HYDIN: variants seen among roughly 807,000 people sequenced by gnomAD.
HYDIN encodes the protein axonemal central pair apparatus protein HYDIN.
A neutral mutation model predicts 403.9 loss-of-function variants in HYDIN; 132 were observed. The ratio of observed to expected loss-of-function variants is 0.33; its 90% CI spans 0.28 to 0.38. The LOEUF is 0.38. Ranked by LOEUF, HYDIN falls within the 10% of genes least tolerant of loss-of-function variation. The pLI is 1.00. For missense variants in HYDIN, 2,827 were observed against 5,009.5 expected (o/e 0.56, Z 13.15); for synonymous variants, 1,202 against 1,891.7 (o/e 0.64, Z 9.46).
At chr16:71,201,787 TTC>T (rs1197643020) in intron 1 of HYDIN, among the ~76,000 whole-genome samples, 1 of 152,228 alleles carries the variant, frequency 6.6e-6, no homozygotes, top group Non-Finnish European at 1.5e-5. Flanking sequence ...AGCCACGAAC[TTC>T]TGAGTCATCT....
In HYDIN at chr16:70,809,834, G is replaced by C. The variant is rs373142549; in HGVS notation, c.14832C>G (p.Ile4944Met). 5 of 1,614,096 alleles carry C rather than the reference G, an allele frequency of 3.1e-6. No individual in the cohort carries two copies. The African/African-American group carries it at 4.0e-5, about 13-fold the overall frequency. ...GTGTGTAATTGATGAACTTCACAAGGATGATTTGGCTGCTGCCAAGGACAG... is the reference window on the plus strand; with the variant it reads ...GTGTGTAATTGATGAACTTCACAAGCATGATTTGGCTGCTGCCAAGGACAG... Reference protein sequence around the residue: ...FQTVLGSSQIILVKFINYTRQ... With the variant: ...FQTVLGSSQIMLVKFINYTRQ... The change falls in exon 85 of 86, where the codon ATC (isoleucine) becomes ATG (methionine). Residue 4944 changes from isoleucine (I) to methionine (M), a missense_variant. Physicochemically the swap from Ile to Met is conservative, Grantham distance 10. Coordinates refer to ENST00000393567, the MANE Select transcript of HYDIN (RefSeq NM_001270974.2).
chr16:71,167,175 C>A (rs947580076), intron 5 of HYDIN, among the ~76,000 whole-genome samples: 5 of 151,978 alleles, frequency 3.3e-5, no homozygotes, highest in South Asian at 2.1e-4. Context: ...GATGGTAATG[C>A]CAGACTCAAA....
intron 13 of HYDIN, among the ~76,000 whole-genome samples, chr16:71,071,805 T>G (rs1205222189): frequency 6.6e-6 from 1 of 152,148 alleles, no homozygotes; most frequent in Non-Finnish European, 1.5e-5. Flanking sequence ...CTAATGAGAG[T>G]ATTAAATTGA....
At chr16:70,958,151 T>G (rs1283939287) in intron 39 of HYDIN, among the ~76,000 whole-genome samples, 1 of 152,180 alleles carries the variant, frequency 6.6e-6, no homozygotes, top group African/African-American at 2.4e-5. Flanking sequence ...TTTAACAGTT[T>G]GGGGATAATC....
At chr16:70,813,457 G>C (rs71384770) in intron 84 of HYDIN, among the ~76,000 whole-genome samples, 1 of 151,902 alleles carries the variant, frequency 6.6e-6, no homozygotes, top group African/African-American at 2.4e-5. Flanking sequence ...GTCATGCTTC[G>C]AGATGACTAG....
chr16:70,939,091 T>C (rs896928941), intron 43 of HYDIN, among the ~76,000 whole-genome samples: 10 of 152,158 alleles, frequency 6.6e-5, no homozygotes, highest in Non-Finnish European at 1.3e-4. Context: ...AGTCTAATTA[T>C]AAGGGTCCTT....
At chr16:70,850,002 T>A (rs2038511370) in intron 74 of HYDIN, 55 bp from the exon 75 acceptor site, 2 of 592,244 alleles carry the variant, frequency 3.4e-6, no homozygotes, top group Admixed American at 5.9e-5. Context: ...TTGTCTGGGG[T>A]CAGCATTTGT....
intron 10 of HYDIN, among the ~76,000 whole-genome samples, chr16:71,115,363 G>A (rs1174659981): frequency 3.9e-5 from 6 of 152,086 alleles, no homozygotes; most frequent in Non-Finnish European, 7.4e-5. Context: ...CTCCCCAGTC[G>A]TGCTGATCTG....
Position 70,805,748 on chromosome 16 carries a change from C to G in HYDIN, c.*1832G>C, listed in dbSNP as rs987390020. On this transcript the variant is annotated 3_prime_UTR_variant, in exon 86 of 86. Coordinates refer to ENST00000393567, the MANE Select transcript of HYDIN (RefSeq NM_001270974.2). ...ATCTGTCATCTGGTTGTCTTTAGAC[C>G]TATCAGTAGTGTCTTTAGAGGTTAT... Among the ~76,000 whole-genome samples the G allele has an allele frequency of 6.6e-6, 1 of 152,178 alleles. No individual in the cohort carries two copies. The highest frequency in any genetic ancestry group is 1.5e-5 in the Non-Finnish European group (1 of 68,032).
chr16:71,193,683 C>T (rs2087547820), intron 1 of HYDIN, among the ~76,000 whole-genome samples: 1 of 152,188 alleles, frequency 6.6e-6, no homozygotes, highest in African/African-American at 2.4e-5. Flanking sequence ...AGCAGAATCT[C>T]ATAATGTATA....
intron 71 of HYDIN, 99 bp downstream of exon 71, chr16:70,859,969 G>T: frequency 2.6e-6 from 3 of 1,141,488 alleles, no homozygotes; most frequent in Non-Finnish European, 3.8e-6. Context: ...CCCTCAGGCA[G>T]TTCTTCCTAA....
At chr16:71,186,481 C>T (rs2087157177) in intron 2 of HYDIN, among the ~76,000 whole-genome samples, 1 of 152,110 alleles carries the variant, frequency 6.6e-6, no homozygotes, top group African/African-American at 2.4e-5. Flanking sequence ...TGTCATGGTG[C>T]TACCTAATAT....
At chr16:71,178,887 A>C in intron 4 of HYDIN, 41 bp downstream of exon 4, 1 of 1,546,624 alleles carries the variant, frequency 6.5e-7, no homozygotes, top group Non-Finnish European at 8.7e-7. Flanking sequence ...CCATTCTCAT[A>C]TATCCTGGAA....
In HYDIN at chr16:70,866,390, T is replaced by A. The variant is rs1008059404; in HGVS notation, c.11311-61A>T. Reference sequence around the variant, plus strand: ...AGCACAGGGACAGAAAAACTGACAATGGAATAGAATAGAGAGACCAGAAAC... The same window carrying A: ...AGCACAGGGACAGAAAAACTGACAAAGGAATAGAATAGAGAGACCAGAAAC... On this transcript the variant is annotated intron_variant, in intron 66 of 85. Coordinates refer to ENST00000393567, the MANE Select transcript of HYDIN (RefSeq NM_001270974.2). 2.3e-5 allele frequency: 20 copies of A among 869,010 alleles called. No individual in the cohort carries two copies. In the Admixed American group the frequency reaches 5.1e-4, roughly 22 times the overall value. The allele number at this position is 869,010 out of a possible 1,614,324, so 53.8% of individuals were successfully genotyped here.
At chr16:71,043,153 A>G (rs2081339492) in intron 18 of HYDIN, among the ~76,000 whole-genome samples, 1 of 151,734 alleles carries the variant, frequency 6.6e-6, no homozygotes, top group Non-Finnish European at 1.5e-5. Flanking sequence ...AAGAAGTCTG[A>G]TGCCACTCTG....
At chr16:71,039,263 C>T (rs977140783) in intron 18 of HYDIN, among the ~76,000 whole-genome samples, 2 of 152,122 alleles carry the variant, frequency 1.3e-5, no homozygotes, top group East Asian at 1.9e-4. Flanking sequence ...TCTAGCACCT[C>T]GTCTATCATA....
At chr16:71,027,158 T>A in intron 20 of HYDIN, 1 of 1,040,484 alleles carries the variant, frequency 9.6e-7, no homozygotes, top group African/African-American at 1.7e-5. Flanking sequence ...AGAAGATGTT[T>A]TGAAATGTGA....
At chr16:71,012,255 G>A (rs1221984170) in intron 23 of HYDIN, among the ~76,000 whole-genome samples, 1 of 152,286 alleles carries the variant, frequency 6.6e-6, no homozygotes, top group Non-Finnish European at 1.5e-5. Flanking sequence ...GGTGGCTCCT[G>A]CAGCGACAGC....
intron 1 of HYDIN, among the ~76,000 whole-genome samples, chr16:71,197,354 G>A (rs994849715): frequency 6.6e-6 from 1 of 152,124 alleles, no homozygotes. Context: ...ACTAGCATAT[G>A]GTAATAAGCA....
Sources: gnomAD v4.1 joint callset for allele counts (sites outside exome capture counted in the v4.1 genomes callset) on GRCh38, gnomAD v4.1.1 for gene constraint, MANE v1.5 for transcripts, NCBI Gene and HGNC (gene_info 2026-07-23, HGNC 2026-07-21) for gene names.